The following SPMAP2L variants were observed in gnomAD, a reference collection of about 807,000 sequenced individuals.
SPMAP2L encodes sperm microtubule associated protein 2-like.
the SPMAP2L span, chr4:56,531,055 C>A: frequency 6.5e-7 from 1 of 1,535,504 alleles, no homozygotes; most frequent in South Asian, 1.2e-5. Context: ...CACCCGTGAG[C>A]CCCGCAAGTC....
chr4:56,594,465 G>T, the SPMAP2L span: 1,193 of 1,606,208 alleles, frequency 7.4e-4, 8 homozygotes, highest in African/African-American at 0.014. Context: ...AAGGATTTGT[G>T]TGAACTCACA....
chr4:56,530,846 A>G, the SPMAP2L span: 2 of 1,535,280 alleles, frequency 1.3e-6, no homozygotes, highest in Non-Finnish European at 1.7e-6. Context: ...AAACACGAGA[A>G]TCCCGAGGAA....
the SPMAP2L span, among the ~76,000 whole-genome samples, chr4:56,537,679 C>G: frequency 6.6e-6 from 1 of 151,836 alleles, no homozygotes; most frequent in Non-Finnish European, 1.5e-5. Context: ...CACTTCTCAC[C>G]TGGATTTCTT....
chr4:56,571,562 C>G, the SPMAP2L span, among the ~76,000 whole-genome samples: 1 of 152,096 alleles, frequency 6.6e-6, no homozygotes, highest in South Asian at 2.1e-4. Flanking sequence ...AGCAATCTGC[C>G]TGCCTGAGCA....
chr4:56,544,099 G>A, the SPMAP2L span, among the ~76,000 whole-genome samples: 68 of 151,704 alleles, frequency 4.5e-4, no homozygotes, highest in Non-Finnish European at 7.7e-4. Flanking sequence ...AGTGATTCTC[G>A]TGCCTCAGCC....
At chr4:56,581,496 T>C in the SPMAP2L span, among the ~76,000 whole-genome samples, 1 of 151,870 alleles carries the variant, frequency 6.6e-6, no homozygotes, top group Non-Finnish European at 1.5e-5. Flanking sequence ...GGCACAAGCC[T>C]GTAGTACCAG....
At chr4:56,539,820 G>T in the SPMAP2L span, among the ~76,000 whole-genome samples, 1 of 152,128 alleles carries the variant, frequency 6.6e-6, no homozygotes, top group African/African-American at 2.4e-5. Flanking sequence ...CCTAAAGTAG[G>T]CACCCTCTCC....
the SPMAP2L span, among the ~76,000 whole-genome samples, chr4:56,566,695 C>CTTTTTTTTTTTTTTTTT: frequency 1.2e-4 from 11 of 92,450 alleles, no homozygotes; most frequent in Non-Finnish European, 1.6e-4. Context: ...TTTTCTTTTT[C>CTTTTTTTTTTTTTTTTT]TTTTTTTTTT....
At chr4:56,574,022 T>C in the SPMAP2L span, among the ~76,000 whole-genome samples, 1 of 152,288 alleles carries the variant, frequency 6.6e-6, no homozygotes, top group Non-Finnish European at 1.5e-5. Context: ...AAAGTGGGAC[T>C]GCAATTTGAG....
chr4:56,606,334 A>T, the SPMAP2L span, among the ~76,000 whole-genome samples: 1 of 152,122 alleles, frequency 6.6e-6, no homozygotes, highest in African/African-American at 2.4e-5. Flanking sequence ...CTTTCTCCTC[A>T]TTGTTTAAAG....
the SPMAP2L span, among the ~76,000 whole-genome samples, chr4:56,555,183 C>T: frequency 6.6e-6 from 1 of 152,116 alleles, no homozygotes; most frequent in Non-Finnish European, 1.5e-5. Flanking sequence ...AGGTGATCTG[C>T]CTACCTCAGC....
At chr4:56,585,944 G>A in the SPMAP2L span, among the ~76,000 whole-genome samples, 6 of 152,142 alleles carry the variant, frequency 3.9e-5, no homozygotes, top group African/African-American at 1.4e-4. Context: ...TTCTCATCTA[G>A]GTGTCTGTTG....
chr4:56,601,163 G>T, the SPMAP2L span: 1 of 1,467,650 alleles, frequency 6.8e-7, no homozygotes, highest in Non-Finnish European at 9.0e-7. Context: ...TCTGGGGAGA[G>T]GGAGAAAGTT....
the SPMAP2L span, among the ~76,000 whole-genome samples, chr4:56,592,807 G>T: frequency 7.9e-5 from 12 of 151,900 alleles, no homozygotes; most frequent in African/African-American, 2.4e-4. Context: ...CTGGGGCCTC[G>T]CGCCTCCTGG....
the SPMAP2L span, among the ~76,000 whole-genome samples, chr4:56,537,202 G>A: frequency 4.9e-4 from 74 of 152,216 alleles, no homozygotes; most frequent in South Asian, 6.4e-3. Flanking sequence ...AGGCTCCTTT[G>A]CTGAACCCTC....
At chr4:56,607,981 A>G in the SPMAP2L span, among the ~76,000 whole-genome samples, 5 of 145,054 alleles carry the variant, frequency 3.4e-5, no homozygotes, top group African/African-American at 1.3e-4. Context: ...CAACAGAGTG[A>G]GACCCTGTCT....
At chr4:56,601,107 G>A in the SPMAP2L span, 1 of 1,533,266 alleles carries the variant, frequency 6.5e-7, no homozygotes, top group Non-Finnish European at 8.7e-7. Flanking sequence ...ATCCAAATAA[G>A]AGGTATGTCA....
chr4:56,550,798 G>A, the SPMAP2L span, among the ~76,000 whole-genome samples: 6 of 152,010 alleles, frequency 3.9e-5, no homozygotes, highest in Non-Finnish European at 5.9e-5. Context: ...TAAAAAGTTC[G>A]TTTTTATGCA....
the SPMAP2L span, among the ~76,000 whole-genome samples, chr4:56,617,182 A>G: frequency 6.6e-6 from 1 of 152,110 alleles, no homozygotes; most frequent in East Asian, 1.9e-4. Context: ...CTCCTCAGCT[A>G]CAAACCTGTG....
Sources: allele counts gnomAD v4.1 joint callset (sites outside exome capture counted in the v4.1 genomes callset), GRCh38; gene constraint gnomAD v4.1.1; transcripts MANE v1.5; gene names NCBI Gene and HGNC (gene_info 2026-07-23, HGNC 2026-07-21).